Variants in DLGAP2 observed in about 807,000 individuals in gnomAD.
DLGAP2 encodes the protein disks large-associated protein 2.
In DLGAP2, 26 loss-of-function variants were observed where a neutral mutation model predicts 100.3. That is an observed-to-expected ratio of 0.26 (90% CI 0.19 to 0.36). The LOEUF (loss-of-function observed/expected upper bound fraction) is 0.36, where lower values mean the gene tolerates loss of function less well. DLGAP2 is among the 10% of genes least tolerant of loss of function. The probability of loss-of-function intolerance (pLI) is 1.00; values close to 1 mark genes in which losing one functional copy is unlikely to be tolerated. For synonymous variants in DLGAP2, 886 were observed against 630.1 expected, an observed-to-expected ratio of 1.41 and a Z score of -6.08; for missense variants, 1,858 against 1,453.2, an observed-to-expected ratio of 1.28 and a Z score of -4.53.
chr8:1,186,193 G>A (rs1011671459), intron 2 of DLGAP2, among the ~76,000 whole-genome samples: 2 of 152,244 alleles, frequency 1.3e-5, no homozygotes, highest in Non-Finnish European at 1.5e-5. Context: ...CGATGGGTCG[G>A]TGGCACCGAG....
intron 2 of DLGAP2, among the ~76,000 whole-genome samples, chr8:1,224,067 C>T (rs774799489): frequency 3.9e-5 from 6 of 152,134 alleles, no homozygotes; most frequent in Non-Finnish European, 8.8e-5. Context: ...ATTCTTTGAG[C>T]GTACGATATG....
intron 2 of DLGAP2, among the ~76,000 whole-genome samples, chr8:1,008,108 G>A (rs1433014131): frequency 6.6e-6 from 1 of 152,210 alleles, no homozygotes; most frequent in Non-Finnish European, 1.5e-5. Context: ...AAATTGATTA[G>A]TGAAGAAAGA....
intron 3 of DLGAP2, among the ~76,000 whole-genome samples, chr8:1,496,452 G>A (rs1799549226): frequency 1.3e-5 from 2 of 152,144 alleles, no homozygotes; most frequent in Admixed American, 6.5e-5. Flanking sequence ...CCGGGCCTCT[G>A]AGGACCGGTT....
chr8:1,685,080 G>C (rs1054893708), intron 12 of DLGAP2, among the ~76,000 whole-genome samples: 32 of 152,138 alleles, frequency 2.1e-4, no homozygotes, highest in African/African-American at 7.7e-4. Context: ...ATTAACACAA[G>C]AGCCGGGGTC....
At chr8:1,378,790 C>T (rs1563115861) in intron 3 of DLGAP2, among the ~76,000 whole-genome samples, 1 of 152,198 alleles carries the variant, frequency 6.6e-6, no homozygotes, top group South Asian at 2.1e-4. Context: ...CAGTTTCTGG[C>T]GTTTCCTTCA....
intron 6 of DLGAP2, among the ~76,000 whole-genome samples, chr8:1,609,258 T>G (rs1454947136): frequency 7.0e-6 from 1 of 142,904 alleles, no homozygotes; most frequent in African/African-American, 2.5e-5. Flanking sequence ...AGAAAAGAAT[T>G]TTCAACCCAG....
At chr8:1,693,554 G>T (rs1563066792) in intron 13 of DLGAP2, among the ~76,000 whole-genome samples, 1 of 152,106 alleles carries the variant, frequency 6.6e-6, no homozygotes, top group African/African-American at 2.4e-5. Flanking sequence ...GCGTAGCAAT[G>T]GTGCCAGGTG....
chr8:1,299,255 A>C (rs1379061873), intron 3 of DLGAP2, among the ~76,000 whole-genome samples: 1 of 152,208 alleles, frequency 6.6e-6, no homozygotes. Flanking sequence ...CTGACCGTCC[A>C]CAGAGGCCCC....
intron 2 of DLGAP2, among the ~76,000 whole-genome samples, chr8:974,485 A>C (rs1001022818): frequency 6.6e-6 from 1 of 152,252 alleles, no homozygotes; most frequent in South Asian, 2.1e-4. Context: ...ATCAAGATAG[A>C]ATATATTCTG....
At chr8:1,604,082 T>G (rs113991327) in intron 6 of DLGAP2, among the ~76,000 whole-genome samples, 2,130 of 152,256 alleles carry the variant, frequency 0.014, 22 homozygotes, top group Middle Eastern at 0.024. Flanking sequence ...TAAAGACACT[T>G]AAGTGAACAG....
At chr8:1,589,469 C>G (rs1796225200) in intron 6 of DLGAP2, among the ~76,000 whole-genome samples, 1 of 152,184 alleles carries the variant, frequency 6.6e-6, no homozygotes. Context: ...TAGGGTCTTG[C>G]TGTGTTGCCC....
chr8:927,130 T>G (rs1307614860), intron 2 of DLGAP2: 2 of 985,272 alleles, frequency 2.0e-6, no homozygotes, highest in African/African-American at 3.5e-5. Flanking sequence ...ACTAATCGAT[T>G]GTAATTACAT....
rs528909554 is a variant in DLGAP2 at position 1,692,567 on chromosome 8, C to G, written c.2796+941C>G. Reference sequence around the variant, plus strand: ...GCGGCGTGACACTGTGTCTTTGCAACTGGATGCCCCACCAGAGCATCTTAG... The same window carrying G: ...GCGGCGTGACACTGTGTCTTTGCAAGTGGATGCCCCACCAGAGCATCTTAG... On this transcript the variant is annotated intron_variant, in intron 13 of 14. Coordinates refer to ENST00000637795, the MANE Select transcript of DLGAP2 (RefSeq NM_001346810.2). Among the ~76,000 whole-genome samples the G allele has an allele frequency of 2.1e-3, 314 of 152,256 alleles. 3 individuals are homozygous for G. Among genetic ancestry groups the G allele is most frequent in the African/African-American group, 7.2e-3 (300 of 41,530 alleles).
Position 1,501,439 on chromosome 8 carries a change from A to G in DLGAP2, c.172+8A>G. Reference sequence around the variant, plus strand: ...CGGCAGAGGAGGATCTAGGTAGAGTACAGACGTCAGCCCCGCTCTGGCGGG... The same window carrying G: ...CGGCAGAGGAGGATCTAGGTAGAGTGCAGACGTCAGCCCCGCTCTGGCGGG... On this transcript the variant is annotated splice_region_variant and intron_variant, in intron 4 of 14. Transcript: ENST00000637795. 6.5e-7 allele frequency: 1 copy of G among 1,535,654 alleles called. No individual in the cohort carries two copies. Among genetic ancestry groups the G allele is most frequent in the Non-Finnish European group, 8.7e-7 (1 of 1,146,722 alleles).
intron 2 of DLGAP2, among the ~76,000 whole-genome samples, chr8:1,191,918 A>G (rs1406936557): frequency 2.0e-5 from 3 of 152,184 alleles, no homozygotes; most frequent in Non-Finnish European, 4.4e-5. Flanking sequence ...AAGCTCACTG[A>G]TCCCTCAACT....
intron 2 of DLGAP2, among the ~76,000 whole-genome samples, chr8:1,083,696 G>A (rs1170481305): frequency 2.6e-5 from 4 of 152,106 alleles, no homozygotes; most frequent in African/African-American, 7.2e-5. Context: ...TATGGCACAC[G>A]GTTCCAAAGT....
chr8:826,653 T>C (rs573410452), intron 1 of DLGAP2, among the ~76,000 whole-genome samples: 1 of 152,218 alleles, frequency 6.6e-6, no homozygotes, highest in Non-Finnish European at 1.5e-5. Flanking sequence ...GCCTGGTGTC[T>C]CGAGGGTCCC....
intron 2 of DLGAP2, among the ~76,000 whole-genome samples, chr8:1,024,877 A>C (rs1034905963): frequency 1.3e-5 from 2 of 152,112 alleles, no homozygotes; most frequent in Non-Finnish European, 2.9e-5. Context: ...GCAGCCCTTG[A>C]TCCTTGTAAT....
intron 3 of DLGAP2, among the ~76,000 whole-genome samples, chr8:1,389,130 G>T (rs1796287023): frequency 6.6e-6 from 1 of 152,170 alleles, no homozygotes; most frequent in East Asian, 1.9e-4. Context: ...GGTGGGGAGG[G>T]CTCTGGTCCC....
Sources: gnomAD v4.1 joint callset for allele counts (sites outside exome capture counted in the v4.1 genomes callset) on GRCh38, gnomAD v4.1.1 for gene constraint, MANE v1.5 for transcripts, NCBI Gene and HGNC (gene_info 2026-07-23, HGNC 2026-07-21) for gene names.